Variants in MAPK14 observed in about 807,000 individuals in gnomAD.
The protein encoded by MAPK14 is mitogen-activated protein kinase 14.
Under a neutral mutation model 49.6 loss-of-function variants are expected in MAPK14, and 16 were observed. The ratio of observed to expected loss-of-function variants is 0.32; its 90% CI spans 0.22 to 0.49. MAPK14 has a LOEUF of 0.49. Among genes scored for constraint, MAPK14 ranks in the 20% least tolerant of loss-of-function variants. The pLI, the probability that MAPK14 is intolerant of heterozygous loss-of-function variation, is 0.99. For missense variants in MAPK14, 200 were observed against 441.2 expected, an observed-to-expected ratio of 0.45 and a Z score of 4.90; for synonymous variants, 142 against 158.0, an observed-to-expected ratio of 0.90 and a Z score of 0.76.
intron 3 of MAPK14, among the ~76,000 whole-genome samples, chr6:36,061,885 T>C (rs890192561): frequency 1.3e-5 from 2 of 152,214 alleles, no homozygotes; most frequent in Non-Finnish European, 2.9e-5. Context: ...AATGAACTTG[T>C]TTGCCCTAAG....
chr6:36,121,403 T>A, the MAPK14 span, among the ~76,000 whole-genome samples: 1 of 152,216 alleles, frequency 6.6e-6, no homozygotes, highest in South Asian at 2.1e-4. Flanking sequence ...GGAGCTGTGC[T>A]GCCCTCAAGC....
intron 4 of MAPK14, 97 bp from the exon 5 acceptor site, chr6:36,073,594 A>T: frequency 1.1e-6 from 1 of 873,574 alleles, no homozygotes; most frequent in South Asian, 1.5e-5. Context: ...TATTAACACT[A>T]GCAGTTCTTA....
At chr6:36,099,147 T>C (rs1484388986) in intron 9 of MAPK14, among the ~76,000 whole-genome samples, 1 of 152,124 alleles carries the variant, frequency 6.6e-6, no homozygotes, top group Non-Finnish European at 1.5e-5. Flanking sequence ...TGAAGTAAAA[T>C]TGCTTGGCCA....
intron 8 of MAPK14, among the ~76,000 whole-genome samples, chr6:36,088,117 A>C (rs1765062875): frequency 6.6e-6 from 1 of 152,192 alleles, no homozygotes; most frequent in African/African-American, 2.4e-5. Context: ...ACCTTATACA[A>C]AAATTAACTC....
intron 1 of MAPK14, among the ~76,000 whole-genome samples, chr6:36,031,127 G>A (rs1056024995): frequency 6.6e-6 from 1 of 152,148 alleles, no homozygotes; most frequent in Non-Finnish European, 1.5e-5. Flanking sequence ...CGATTCTCCT[G>A]CCTCAGCCTC....
chr6:36,090,831 G>A (rs1023734141), intron 8 of MAPK14, among the ~76,000 whole-genome samples: 1 of 152,150 alleles, frequency 6.6e-6, no homozygotes, highest in Non-Finnish European at 1.5e-5. Flanking sequence ...ATTTTATTAG[G>A]TTATTTGCCC....
At position 36,052,583 on chromosome 6, in the gene MAPK14, CT is replaced by C. The variant is rs200584794; in HGVS notation, c.117-108del. The C allele has an allele frequency of 1.7e-3, 1,508 of 876,634 alleles. 6 individuals carry two copies. Among genetic ancestry groups the C allele is most frequent in the African/African-American group, 0.014 (827 of 57,354 alleles). The allele number at this position is 876,634 out of a possible 1,614,324, so 54.3% of individuals were successfully genotyped here. Reference sequence around the variant, plus strand: ...GGTCATTTTGCTTTTTATCTTTATGCTTTTTTTTGGTATTTTGTTATAGACC... The same window carrying C: ...GGTCATTTTGCTTTTTATCTTTATGCTTTTTTTGGTATTTTGTTATAGACC... On this transcript the variant is annotated intron_variant, in intron 1 of 11. Coordinates refer to ENST00000229794, the MANE Select transcript of MAPK14 (RefSeq NM_139012.3).
intron 8 of MAPK14, among the ~76,000 whole-genome samples, chr6:36,090,587 G>A (rs1188116872): frequency 2.7e-5 from 4 of 150,538 alleles, no homozygotes; most frequent in Admixed American, 6.6e-5. Flanking sequence ...GTGCAATGGC[G>A]CAATCTCTGC....
intron 3 of MAPK14, among the ~76,000 whole-genome samples, chr6:36,072,063 G>T (rs1157106974): frequency 6.6e-6 from 1 of 152,076 alleles, no homozygotes; most frequent in Non-Finnish European, 1.5e-5. Flanking sequence ...AGAACAGATG[G>T]CAGGTAGTTA....
intron 1 of MAPK14, among the ~76,000 whole-genome samples, chr6:36,041,544 C>T (rs937458903): frequency 8.5e-5 from 13 of 152,148 alleles, no homozygotes; most frequent in Non-Finnish European, 1.5e-4. Flanking sequence ...CTTTCCTACA[C>T]ACTTCTTGAA....
At chr6:36,047,230 C>T (rs1392832220) in intron 1 of MAPK14, among the ~76,000 whole-genome samples, 1 of 152,102 alleles carries the variant, frequency 6.6e-6, no homozygotes, top group Non-Finnish European at 1.5e-5. Flanking sequence ...TTAGAGGTCC[C>T]TAACAGGTTC....
chr6:36,088,598 T>C (rs1054822773), intron 8 of MAPK14, among the ~76,000 whole-genome samples: 1 of 151,810 alleles, frequency 6.6e-6, no homozygotes, highest in Non-Finnish European at 1.5e-5. Context: ...GGTGTGCGCC[T>C]GTAGTCCCAG....
At chr6:36,063,810 C>T (rs562628150) in intron 3 of MAPK14, among the ~76,000 whole-genome samples, 3 of 152,068 alleles carry the variant, frequency 2.0e-5, no homozygotes, top group African/African-American at 7.2e-5. Flanking sequence ...TCTTGACCAC[C>T]ATAGGATGTG....
intron 1 of MAPK14, among the ~76,000 whole-genome samples, chr6:36,051,548 T>C (rs893472103): frequency 1.2e-4 from 18 of 152,298 alleles, no homozygotes; most frequent in Admixed American, 4.6e-4. Flanking sequence ...AGCCTTTCTG[T>C]CTTTCTGTCA....
At chr6:36,121,739 A>G in the MAPK14 span, among the ~76,000 whole-genome samples, 1,336 of 152,232 alleles carry the variant, frequency 8.8e-3, 15 homozygotes, top group Middle Eastern at 0.031. Context: ...TTGGCCTTTC[A>G]CAAGCATCAT....
chr6:36,104,329 T>G (rs1393632521), intron 10 of MAPK14, among the ~76,000 whole-genome samples: 7 of 152,172 alleles, frequency 4.6e-5, no homozygotes, highest in Non-Finnish European at 7.4e-5. Context: ...CAAGGGTCTG[T>G]GAGAAGCTCT....
At chr6:36,116,021 A>ATTGCTTAAGCCATGGAGG (rs1402274031), downstream of MAPK14, among the ~76,000 whole-genome samples, 3 of 152,124 alleles carry the variant, frequency 2.0e-5, no homozygotes, top group Non-Finnish European at 4.4e-5. Flanking sequence ...AGGCAGGAAG[A>ATTGCTTAAGCCATGGAGG]TTGCTTAAGC....
intron 1 of MAPK14, among the ~76,000 whole-genome samples, chr6:36,049,668 C>A (rs1174861032): frequency 6.6e-6 from 1 of 152,132 alleles, no homozygotes; most frequent in Non-Finnish European, 1.5e-5. Flanking sequence ...TAAGGGAAGT[C>A]TTTTGTTTGT....
chr6:36,108,399 C>T lies in MAPK14; in HGVS notation c.1035C>T (p.Val345=). Residue 345 remains valine (V), a synonymous_variant, in exon 12 of 12, where the codon GTC becomes GTT. Transcript: ENST00000229794. ...TTCTAGGCCTGACCTATGATGAAGT[C>T]ATCAGCTTTGTGCCACCACCCCTTG... is the stretch of plus-strand genomic sequence containing the variant. ...DEWKSLTYDE[V]ISFVPPPLDQ... The T allele has an allele frequency of 6.2e-7, 1 of 1,613,968 alleles. No individual in the cohort carries two copies. Among genetic ancestry groups the T allele is most frequent in the Non-Finnish European group, 8.5e-7 (1 of 1,179,874 alleles).
Sources: allele counts gnomAD v4.1 joint callset (sites outside exome capture counted in the v4.1 genomes callset), GRCh38; gene constraint gnomAD v4.1.1; transcripts MANE v1.5; gene names NCBI Gene and HGNC (gene_info 2026-07-23, HGNC 2026-07-21).